The following SEMA3D variants were observed in gnomAD, a reference collection of about 807,000 sequenced individuals.
SEMA3D encodes semaphorin-3D.
In SEMA3D, 84 loss-of-function variants were observed where a neutral mutation model predicts 100.1. That is an observed-to-expected ratio of 0.84 (90% CI 0.70 to 1.01). SEMA3D has a LOEUF of 1.01. SEMA3D is among the 50% of genes least tolerant of loss of function. The pLI is 0.00. For synonymous variants in SEMA3D, 312 were observed against 320.7 expected, an observed-to-expected ratio of 0.97 and a Z score of 0.29; for missense variants, 875 against 934.1, an observed-to-expected ratio of 0.94 and a Z score of 0.82.
chr7:85,047,281 T>C (rs1791036471), intron 9 of SEMA3D, among the ~76,000 whole-genome samples: 1 of 151,924 alleles, frequency 6.6e-6, no homozygotes. Context: ...TAAGATCTTC[T>C]AATCATAGCA....
At chr7:85,141,669 T>A (rs1301592755) in intron 2 of SEMA3D, 1 of 982,184 alleles carries the variant, frequency 1.0e-6, no homozygotes, top group African/African-American at 1.7e-5. Context: ...ACATGTTCCT[T>A]TTGGGCTGAA....
chr7:85,185,330 C>A (rs887898953), intron 1 of SEMA3D, among the ~76,000 whole-genome samples: 1 of 152,090 alleles, frequency 6.6e-6, no homozygotes, highest in African/African-American at 2.4e-5. Context: ...TCCTCCCCCT[C>A]GTCTCTGCGC....
intron 1 of SEMA3D, among the ~76,000 whole-genome samples, chr7:85,168,617 A>ATTTT (rs3076565): frequency 2.4e-4 from 33 of 135,348 alleles, no homozygotes; most frequent in African/African-American, 5.7e-4. Flanking sequence ...GGTTTCTGCA[A>ATTTT]TTTTTTTTTT....
the SEMA3D span, among the ~76,000 whole-genome samples, chr7:85,224,587 G>T: frequency 6.6e-6 from 1 of 152,138 alleles, no homozygotes; most frequent in African/African-American, 2.4e-5. Flanking sequence ...AGATGAATGT[G>T]CATATTTTAT....
intron 8 of SEMA3D, among the ~76,000 whole-genome samples, 156 bp from the exon 9 acceptor site, chr7:85,056,015 T>C (rs1213431626): frequency 1.3e-5 from 2 of 151,996 alleles, no homozygotes; most frequent in African/African-American, 2.4e-5. Flanking sequence ...CAAATGAAGA[T>C]GACACAATGT....
chr7:85,065,084 C>A (rs188114476), intron 8 of SEMA3D, among the ~76,000 whole-genome samples: 1 of 152,156 alleles, frequency 6.6e-6, no homozygotes, highest in African/African-American at 2.4e-5. Context: ...AGACCTTGAC[C>A]AAATTATTTC....
intron 3 of SEMA3D, among the ~76,000 whole-genome samples, chr7:85,112,025 C>A (rs1789110399): frequency 6.6e-6 from 1 of 152,096 alleles, no homozygotes; most frequent in South Asian, 2.1e-4. Context: ...CTACTGAGCT[C>A]CCTGTCTTGA....
the SEMA3D span, among the ~76,000 whole-genome samples, chr7:85,250,172 T>C: frequency 1.1e-4 from 16 of 151,244 alleles, no homozygotes; most frequent in Admixed American, 8.6e-4. Context: ...GCTTAAAAAA[T>C]GGCGCACCAC....
intron 3 of SEMA3D, among the ~76,000 whole-genome samples, chr7:85,098,397 A>T (rs1207521893): frequency 1.3e-5 from 2 of 151,918 alleles, no homozygotes; most frequent in African/African-American, 4.8e-5. Context: ...TTAAATTATC[A>T]TTTAAAGCAT....
rs546687728 is a variant in SEMA3D, at chr7:85,059,054, G to C, written c.719-3195C>G. ...TGACTTGATATTACAACAATGAACA[G>C]AGAAAAACAACCAACAGTGGGCTCC... is the stretch of plus-strand genomic sequence containing the variant. On this transcript the variant is annotated intron_variant, in intron 8 of 18. Coordinates refer to ENST00000284136, the MANE Select transcript of SEMA3D (RefSeq NM_001384900.1). Among the ~76,000 whole-genome samples, 22 of 152,200 alleles carry C rather than the reference G, an allele frequency of 1.4e-4. No individual in the cohort carries two copies. The East Asian group carries it at 4.2e-3, about 29-fold the overall frequency.
the SEMA3D span, among the ~76,000 whole-genome samples, chr7:85,248,036 T>C: frequency 6.6e-6 from 1 of 151,574 alleles, no homozygotes; most frequent in African/African-American, 2.4e-5. Context: ...ATGTGAAAAG[T>C]TTGAAAAGAC....
chr7:85,059,458 A>C (rs1484149893), intron 8 of SEMA3D, among the ~76,000 whole-genome samples: 1 of 152,196 alleles, frequency 6.6e-6, no homozygotes, highest in Non-Finnish European at 1.5e-5. Flanking sequence ...CATGAGTAGA[A>C]TTTATTGTAG....
At position 85,010,360 on chromosome 7, in the gene SEMA3D, C is replaced by G. The variant is rs116087955; in HGVS notation, c.1768+2422G>C. Among the ~76,000 whole-genome samples the G allele has an allele frequency of 3.5e-3, 533 of 151,858 alleles. 3 individuals carry two copies. Among genetic ancestry groups the G allele is most frequent in the African/African-American group, 0.012 (518 of 41,492 alleles). On this transcript the variant is annotated intron_variant, in intron 17 of 18. Coordinates refer to ENST00000284136, the MANE Select transcript of SEMA3D (RefSeq NM_001384900.1). ...ATGTTGAGTAAGGGAGTGACATGCCCTGACTGAAGTTTTTAAAAAGATGAC... is the reference window on the plus strand; with the variant it reads ...ATGTTGAGTAAGGGAGTGACATGCCGTGACTGAAGTTTTTAAAAAGATGAC...
chr7:85,140,166 A>T, intron 2 of SEMA3D: 1 of 444,284 alleles, frequency 2.3e-6, no homozygotes, highest in Non-Finnish European at 3.0e-6. Flanking sequence ...TTAAAAAATT[A>T]AGTTTATAAG....
the SEMA3D span, among the ~76,000 whole-genome samples, chr7:85,219,972 G>A: frequency 6.6e-6 from 1 of 151,988 alleles, no homozygotes; most frequent in South Asian, 2.1e-4. Flanking sequence ...GGTAGGAAAT[G>A]TTAAATAAGC....
chr7:85,004,127 T>G (rs574304920), intron 18 of SEMA3D, among the ~76,000 whole-genome samples: 3 of 151,958 alleles, frequency 2.0e-5, no homozygotes, highest in African/African-American at 7.2e-5. Flanking sequence ...GTAGGATGCG[T>G]GGGAGACAGA....
chr7:85,006,957 G>A lies in SEMA3D; in HGVS notation c.1769-16C>T, dbSNP rs769385914. 1 of 1,604,382 alleles carries A rather than the reference G, an allele frequency of 6.2e-7. No individual in the cohort carries two copies. Among genetic ancestry groups the A allele is most frequent in the Non-Finnish European group, 8.5e-7 (1 of 1,174,112 alleles). On this transcript the variant is annotated splice_polypyrimidine_tract_variant and intron_variant, in intron 17 of 18. Coordinates refer to ENST00000284136, the MANE Select transcript of SEMA3D (RefSeq NM_001384900.1). ...TGACTAATGCCTGGAAAGCAAACAT[G>A]GAATAAGAGATTAACCTTGACCTGA...
intron 15 of SEMA3D, among the ~76,000 whole-genome samples, chr7:85,016,399 T>C (rs1028609148): frequency 6.6e-6 from 1 of 151,728 alleles, no homozygotes; most frequent in Non-Finnish European, 1.5e-5. Context: ...CCTCCTGCCC[T>C]ACCTTGGAGA....
In SEMA3D at chr7:85,040,587, C is replaced by T. The variant is rs567984277; in HGVS notation, c.1046+86G>A. ...AAAGTTTACGATATGCTACTACAAA[C>T]GCAGGGACAAAAAGATCCTATAACT... On this transcript the variant is annotated intron_variant, in intron 11 of 18. Coordinates refer to ENST00000284136, the MANE Select transcript of SEMA3D (RefSeq NM_001384900.1). The T allele has an allele frequency of 2.6e-4, 185 of 717,376 alleles. No homozygotes were observed. The African/African-American group carries it at 2.6e-3, about 10-fold the overall frequency. The allele number at this position is 717,376 out of a possible 1,614,324, so 44.4% of individuals were successfully genotyped here.
Sources: gnomAD v4.1 joint callset for allele counts (sites outside exome capture counted in the v4.1 genomes callset) on GRCh38, gnomAD v4.1.1 for gene constraint, MANE v1.5 for transcripts, NCBI Gene and HGNC (gene_info 2026-07-23, HGNC 2026-07-21) for gene names.